Variants in USP40 observed in about 807,000 individuals in gnomAD.
The protein encoded by USP40 is ubiquitin specific peptidase 40, also known as ubiquitin carboxyl-terminal hydrolase 40.
Under a neutral mutation model 166.2 loss-of-function variants are expected in USP40, and 143 were observed. That is an observed-to-expected ratio of 0.86 (90% CI 0.75 to 0.99). The LOEUF (loss-of-function observed/expected upper bound fraction) is 0.99. Ranked by LOEUF, USP40 falls within the 50% of genes least tolerant of loss-of-function variation. The probability of loss-of-function intolerance (pLI) is 0.00; values close to 1 mark genes in which losing one functional copy is unlikely to be tolerated. For missense variants in USP40, 1,444 were observed against 1,479.7 expected, an observed-to-expected ratio of 0.98 and a Z score of 0.40; for synonymous variants, 498 against 524.0, an observed-to-expected ratio of 0.95 and a Z score of 0.68.
At chr2:233,517,814 G>A (rs1405347310) in intron 18 of USP40, among the ~76,000 whole-genome samples, 3 of 151,654 alleles carry the variant, frequency 2.0e-5, no homozygotes, top group African/African-American at 7.3e-5. Context: ...GTGTGTGTGT[G>A]TGTGTGTGTG....
chr2:233,547,288 T>C (rs187935345), intron 8 of USP40, among the ~76,000 whole-genome samples: 9 of 152,338 alleles, frequency 5.9e-5, no homozygotes, highest in African/African-American at 2.2e-4. Flanking sequence ...AATTTAGGCA[T>C]AGATCATCTC....
intron 13 of USP40, among the ~76,000 whole-genome samples, chr2:233,527,039 C>A (rs554250109): frequency 6.6e-6 from 1 of 152,202 alleles, no homozygotes; most frequent in Admixed American, 6.5e-5. Flanking sequence ...AAGTTAGTTG[C>A]GTTTATTTGT....
Position 233,477,384 on chromosome 2 carries a change from C to A in USP40, c.*8G>T. Reference sequence around the variant, plus strand: ...GTTCATCGGGAGTAGAGCCGTGCAGCGGCGCGGTTATCTGAAGCTCCCCAC... The same window carrying A: ...GTTCATCGGGAGTAGAGCCGTGCAGAGGCGCGGTTATCTGAAGCTCCCCAC... On this transcript the variant is annotated 3_prime_UTR_variant, in exon 32 of 32. Coordinates refer to ENST00000678225, the MANE Select transcript of USP40 (RefSeq NM_001365479.2). 1 of 1,612,282 alleles carries A rather than the reference C, an allele frequency of 6.2e-7. No individual in the cohort carries two copies. Among genetic ancestry groups the A allele is most frequent in the South Asian group, 1.1e-5 (1 of 90,994 alleles).
At chr2:233,563,311 A>C (rs541670441) in intron 2 of USP40, among the ~76,000 whole-genome samples, 30 of 152,306 alleles carry the variant, frequency 2.0e-4, no homozygotes, top group African/African-American at 7.2e-4. Context: ...TGGCAACCCC[A>C]TGCGAGTCTC....
rs768406586 is a variant in USP40, at chr2:233,488,248, T to C, written c.3188A>G (p.Glu1063Gly). The C allele has an allele frequency of 6.2e-7, 1 of 1,603,848 alleles. No individual in the cohort carries two copies. The highest frequency in any genetic ancestry group is 1.1e-5 in the South Asian group (1 of 88,538). The change falls in exon 28 of 32, where the codon GAA becomes GGA. Residue 1063 changes from glutamate to glycine, a missense_variant. Glu to Gly is a moderately conservative substitution (Grantham distance 98). Coordinates refer to ENST00000678225, the MANE Select transcript of USP40 (RefSeq NM_001365479.2). ...CAGGAGAATTTCTTACCCCAAGTTT[T>C]CGCCTTTCTGAAGGGGCTCTAAGCA... is the stretch of plus-strand genomic sequence containing the variant. ...EICLEPLQKGENLGPQDVLLR... is the reference protein window; with the variant it reads ...EICLEPLQKGGNLGPQDVLLR...
intron 24 of USP40, among the ~76,000 whole-genome samples, chr2:233,494,370 A>C (rs2065529599): frequency 6.6e-6 from 1 of 152,186 alleles, no homozygotes; most frequent in African/African-American, 2.4e-5. Context: ...GCAGGAATAT[A>C]AACTGCTGAG....
rs2125417764 is a variant in USP40 at position 233,565,379 on chromosome 2, A to G, written c.176T>C (p.Leu59Pro). 1.3e-6 allele frequency: 2 copies of G among 1,537,156 alleles called. No individual in the cohort carries two copies. Among genetic ancestry groups the G allele is most frequent in the South Asian group, 2.4e-5 (2 of 84,038 alleles). The change falls in exon 2 of 32, where the codon CTT becomes CCT. Residue 59 changes from leucine (L) to proline (P), a missense_variant. Leu to Pro is a moderately conservative substitution (Grantham distance 98). Transcript: ENST00000678225. ...ACCTCTGAATTCAGGTGTGAAATGA[A>G]GAGTCTGAAGAAGGGAATTGAGGTA... is the stretch of plus-strand genomic sequence containing the variant. ...TCYLNSLLQT[L>P]HFTPEFREAL...
intron 8 of USP40, chr2:233,547,144 A>G (rs889283941): frequency 6.6e-6 from 1 of 152,224 alleles, no homozygotes; most frequent in African/African-American, 2.4e-5. Flanking sequence ...TGACTTCAAC[A>G]TGAGTGTTTA....
intron 4 of USP40, among the ~76,000 whole-genome samples, chr2:233,558,818 G>A (rs1472958332): frequency 6.6e-6 from 1 of 151,708 alleles, no homozygotes. Flanking sequence ...GTTGTTAATC[G>A]GATTAACGCC....
chr2:233,491,378 T>A, intron 25 of USP40, 117 bp from the exon 26 acceptor site: 2 of 784,646 alleles, frequency 2.5e-6, no homozygotes, highest in Non-Finnish European at 4.3e-6. Context: ...CTCAAGAGCC[T>A]CTGCATCCAA....
In USP40 at chr2:233,480,444, T is replaced by TGTG. The variant is rs943920792; in HGVS notation, c.3599+756_3599+758dup. Reference sequence around the variant, plus strand: ...GATGCCACGGGCAGGTCCTGGGACTTGTGGTGGTGGTGAGCTGAGCAGTGC... The same window carrying TGTG: ...GATGCCACGGGCAGGTCCTGGGACTTGTGGTGGTGGTGGTGAGCTGAGCAGTGC... On this transcript the variant is annotated intron_variant, in intron 31 of 31. Coordinates refer to ENST00000678225, the MANE Select transcript of USP40 (RefSeq NM_001365479.2). This position sits in a 1 kb window ranked among gnomAD's most constrained non-coding sequence, Gnocchi z 4.5. Among the ~76,000 whole-genome samples, 1 of 152,052 alleles carries TGTG rather than the reference T, an allele frequency of 6.6e-6. No homozygotes were observed. Among genetic ancestry groups the TGTG allele is most frequent in the Non-Finnish European group, 1.5e-5 (1 of 67,980 alleles).
chr2:233,514,991 T>C (rs779894063), intron 18 of USP40, among the ~76,000 whole-genome samples: 2 of 152,206 alleles, frequency 1.3e-5, no homozygotes, highest in East Asian at 1.9e-4. Flanking sequence ...GTCCTATGTA[T>C]GGAACCACAC....
chr2:233,515,306 C>T lies in USP40; in HGVS notation c.2384-2684G>A, dbSNP rs937042199. On this transcript the variant is annotated intron_variant, in intron 18 of 31. Transcript: ENST00000678225. ...TTTATAAGAAATAAGCTAACTTTTCCAAAGTGGCTTACCCATTTTACCTTC... is the reference window on the plus strand; with the variant it reads ...TTTATAAGAAATAAGCTAACTTTTCTAAAGTGGCTTACCCATTTTACCTTC... Among the ~76,000 whole-genome samples the T allele has an allele frequency of 3.3e-5, 5 of 152,124 alleles. No individual in the cohort carries two copies. In the East Asian group the frequency reaches 7.7e-4, roughly 23 times the overall value.
intron 6 of USP40, among the ~76,000 whole-genome samples, chr2:233,553,327 G>A (rs1575339227): frequency 6.6e-6 from 1 of 152,088 alleles, no homozygotes; most frequent in East Asian, 1.9e-4. Flanking sequence ...ATGAATGGCT[G>A]CTAGAAGATA....
chr2:233,561,160 C>G (rs997777711), intron 3 of USP40: 9 of 1,575,240 alleles, frequency 5.7e-6, no homozygotes, highest in Non-Finnish European at 7.8e-6. Flanking sequence ...GATGTAATAC[C>G]TTTGCATCGG....
rs185753459 is a variant in USP40, at chr2:233,533,337, T to C, written c.1471+142A>G. ...AATTGTTAGATTTCATTTGGCATAA[T>C]ATAGTTCTTGTTAGCTTTAAAATAT... On this transcript the variant is annotated intron_variant, in intron 11 of 31. Coordinates refer to ENST00000678225, the MANE Select transcript of USP40 (RefSeq NM_001365479.2). 22 of 809,454 alleles carry C rather than the reference T, an allele frequency of 2.7e-5. No individual in the cohort carries two copies. The East Asian group carries it at 5.6e-4, about 21-fold the overall frequency. The allele number at this position is 809,454 out of a possible 1,614,324, so 50.1% of individuals were successfully genotyped here.
intron 8 of USP40, among the ~76,000 whole-genome samples, chr2:233,547,820 A>G (rs991923390): frequency 1.3e-5 from 2 of 152,216 alleles, no homozygotes. Flanking sequence ...ATGTGTGTGT[A>G]TATGTGTATG....
chr2:233,526,181 C>T (rs931438035), intron 13 of USP40, among the ~76,000 whole-genome samples: 3 of 152,160 alleles, frequency 2.0e-5, no homozygotes, highest in Non-Finnish European at 4.4e-5. Flanking sequence ...AAAGAAACTT[C>T]TTATTTACAA....
Position 233,565,405 on chromosome 2 carries a change from A to G in USP40, c.150T>C (p.Cys50=). 9 of 1,537,286 alleles carry G rather than the reference A, an allele frequency of 5.9e-6. No homozygotes were observed. The highest frequency in any genetic ancestry group is 7.0e-6 in the Non-Finnish European group (8 of 1,146,866). Residue 50 remains cysteine (C), a synonymous_variant, in exon 2 of 32, where the codon TGT becomes TGC. Coordinates refer to ENST00000678225, the MANE Select transcript of USP40 (RefSeq NM_001365479.2). ...LSGIRNQGGT[C]YLNSLLQTLH... ...GAGTCTGAAGAAGGGAATTGAGGTA[A>G]CAGGTTCCACCCTGATTTCTGATTC...
Sources: gnomAD v4.1 joint callset for allele counts (sites outside exome capture counted in the v4.1 genomes callset) on GRCh38, gnomAD v4.1.1 for gene constraint, Gnocchi (gnomAD v3.1) non-coding constraint, MANE v1.5 for transcripts, NCBI Gene and HGNC (gene_info 2026-07-23, HGNC 2026-07-21) for gene names.